ANKS4B: variants seen among roughly 807,000 people sequenced by gnomAD.
ANKS4B encodes the protein ankyrin repeat and sterile alpha motif domain containing 4B.
Under a neutral mutation model 20.2 loss-of-function variants are expected in ANKS4B, and 21 were observed. The ratio of observed to expected loss-of-function variants is 1.04; its 90% CI spans 0.74 to 1.50. The LOEUF (loss-of-function observed/expected upper bound fraction) is 1.50, where lower values mean the gene tolerates loss of function less well. ANKS4B is among the 40% of genes most tolerant of loss of function. The probability of loss-of-function intolerance (pLI) is 0.00; values close to 1 mark genes in which losing one functional copy is unlikely to be tolerated. For synonymous variants in ANKS4B, 179 were observed against 194.5 expected (o/e 0.92, Z 0.66); for missense variants, 473 against 494.6 (o/e 0.96, Z 0.41).
At chr16:21,236,342 G>A (rs560821058) in intron 1 of ANKS4B, among the ~76,000 whole-genome samples, 2 of 152,152 alleles carry the variant, frequency 1.3e-5, no homozygotes, top group African/African-American at 2.4e-5. Context: ...CCAACATTGC[G>A]GATTACAATT....
At chr16:21,245,710 C>G (rs1160407415) in intron 1 of ANKS4B, among the ~76,000 whole-genome samples, 1 of 152,120 alleles carries the variant, frequency 6.6e-6, no homozygotes, top group Non-Finnish European at 1.5e-5. Context: ...AGTGATCCAC[C>G]AGCCTCGGCC....
Position 21,250,329 on chromosome 16 carries a change from G to A in ANKS4B, c.763G>A (p.Glu255Lys). Residue 255 changes from glutamate to lysine, a missense_variant, in exon 2 of 2, where the codon GAG (glutamate) becomes AAG (lysine). Glu to Lys is a moderately conservative substitution (Grantham distance 56). Coordinates refer to ENST00000311620, the MANE Select transcript of ANKS4B (RefSeq NM_145865.3). ...CAAAGAGAAGCTCCAGTTGTCAGCA[G>A]AGGAGGACGGCAGTGTGCACCATGA... ...DFKEKLQLSA[E>K]EDGSVHHESI... The A allele has an allele frequency of 1.2e-6, 2 of 1,614,210 alleles. No homozygotes were observed. Among genetic ancestry groups the A allele is most frequent in the Non-Finnish European group, 8.5e-7 (1 of 1,180,038 alleles).
In ANKS4B at chr16:21,249,838, T is replaced by A. The variant is rs1567227506; in HGVS notation, c.272T>A (p.Ile91Asn). 6.2e-7 allele frequency: 1 copy of A among 1,614,186 alleles called. No homozygotes were observed. Among genetic ancestry groups the A allele is most frequent in the Non-Finnish European group, 8.5e-7 (1 of 1,180,036 alleles). Residue 91 changes from isoleucine to asparagine, a missense_variant, in exon 2 of 2, where the codon ATC becomes AAC. Coordinates refer to ENST00000311620, the MANE Select transcript of ANKS4B (RefSeq NM_145865.3). ...VSFLVNFGANIFALDNDLQTP... is the reference protein window; with the variant it reads ...VSFLVNFGANNFALDNDLQTP... Reference sequence around the variant, plus strand: ...TTCCTGGTCAACTTTGGTGCCAACATCTTTGCCCTGGATAATGACTTACAG... The same window carrying A: ...TTCCTGGTCAACTTTGGTGCCAACAACTTTGCCCTGGATAATGACTTACAG...
chr16:21,249,251 A>C (rs2093335772), intron 1 of ANKS4B, among the ~76,000 whole-genome samples: 1 of 152,220 alleles, frequency 6.6e-6, no homozygotes, highest in Admixed American at 6.5e-5. Flanking sequence ...TGGGACGCCA[A>C]GGCAAGCAGA....
intron 1 of ANKS4B, among the ~76,000 whole-genome samples, chr16:21,236,696 C>A (rs2093320639): frequency 6.6e-6 from 1 of 152,070 alleles, no homozygotes; most frequent in African/African-American, 2.4e-5. Context: ...CAGGTGTGAG[C>A]CACAGCACTC....
At chr16:21,245,970 C>G (rs1261951763) in intron 1 of ANKS4B, among the ~76,000 whole-genome samples, 3 of 152,160 alleles carry the variant, frequency 2.0e-5, no homozygotes, top group Non-Finnish European at 4.4e-5. Flanking sequence ...TCACATAACT[C>G]TATGAATAGG....
rs1166979736 is a variant in ANKS4B at position 21,250,439 on chromosome 16, G to C, written c.873G>C (p.Lys291Asn). 2 of 1,614,028 alleles carry C rather than the reference G, an allele frequency of 1.2e-6. No individual in the cohort carries two copies. Among genetic ancestry groups the C allele is most frequent in the Non-Finnish European group, 1.7e-6 (2 of 1,180,028 alleles). ...ISSPEDISDS[K>N]REFGFKLPSE... ...GTCCTGAAGACATCTCAGATAGCAA[G>C]AGAGAGTTTGGTTTTAAACTGCCCA... The change falls in exon 2 of 2, where the codon AAG becomes AAC. Residue 291 changes from lysine to asparagine, a missense_variant. Lys to Asn is a moderately conservative substitution (Grantham distance 94). Transcript: ENST00000311620.
Position 21,250,135 on chromosome 16 carries a change from C to T in ANKS4B, c.569C>T (p.Ala190Val), listed in dbSNP as rs1355529511. The T allele has an allele frequency of 6.2e-7, 1 of 1,614,188 alleles. No individual in the cohort carries two copies. Among genetic ancestry groups the T allele is most frequent in the Non-Finnish European group, 8.5e-7 (1 of 1,180,044 alleles). ...AGATCATCCCCTTCAAATGCTTCTG[C>T]TCCTGGCACATTCGGGTCACTATCT... ...FSRSSPSNAS[A>V]PGTFGSLSKG... The change falls in exon 2 of 2, where the codon GCT becomes GTT. Residue 190 changes from alanine (A) to valine (V), a missense_variant. By Grantham distance (64) the Ala-to-Val change is moderately conservative. Coordinates refer to ENST00000311620, the MANE Select transcript of ANKS4B (RefSeq NM_145865.3).
chr16:21,250,343 T>C lies in ANKS4B; in HGVS notation c.777T>C (p.Ser259=). 6.2e-7 allele frequency: 1 copy of C among 1,614,214 alleles called. No homozygotes were observed. Among genetic ancestry groups the C allele is most frequent in the East Asian group, 2.2e-5 (1 of 44,884 alleles). The part of the protein sequence containing the change: ...KLQLSAEEDG[S]VHHESILNRP... ...AGTTGTCAGCAGAGGAGGACGGCAG[T>C]GTGCACCATGAATCCATTCTCAATC... Residue 259 remains serine (S), a synonymous_variant, in exon 2 of 2, where the codon AGT becomes AGC. Transcript: ENST00000311620.
intron 1 of ANKS4B, among the ~76,000 whole-genome samples, chr16:21,246,824 G>C (rs1470150305): frequency 6.6e-6 from 1 of 152,202 alleles, no homozygotes; most frequent in Non-Finnish European, 1.5e-5. Context: ...GAGGGAGATT[G>C]TGATGGTTGA....
chr16:21,233,938 T>C (rs556053627), intron 1 of ANKS4B, 37 bp downstream of exon 1: 17 of 1,579,876 alleles, frequency 1.1e-5, no homozygotes, highest in African/African-American at 9.4e-5. Flanking sequence ...GGAAACAGTG[T>C]TCATGGTAGG....
Position 21,250,614 on chromosome 16 carries a change from G to C in ANKS4B, c.1048G>C (p.Val350Leu). 1.2e-6 allele frequency: 2 copies of C among 1,614,178 alleles called. No individual in the cohort carries two copies. The highest frequency in any genetic ancestry group is 1.7e-6 in the Non-Finnish European group (2 of 1,180,018). Reference sequence around the variant, plus strand: ...TGTGGTCGATGCCACGCCCCTGGAAGTGTTCTTGCTGTCTCAGCACCTGGA... The same window carrying C: ...TGTGGTCGATGCCACGCCCCTGGAACTGTTCTTGCTGTCTCAGCACCTGGA... ...EDVVDATPLEVFLLSQHLEEF... is the reference protein window; with the variant it reads ...EDVVDATPLELFLLSQHLEEF... Residue 350 changes from valine to leucine, a missense_variant, in exon 2 of 2, where the codon GTG becomes CTG. By Grantham distance (32) the Val-to-Leu change is conservative. Coordinates refer to ENST00000311620, the MANE Select transcript of ANKS4B (RefSeq NM_145865.3).
At chr16:21,249,619 A>G in intron 1 of ANKS4B, 112 bp from the exon 2 acceptor site, 1 of 1,208,806 alleles carries the variant, frequency 8.3e-7, no homozygotes, top group Non-Finnish European at 1.1e-6. Context: ...GTCAGGATGA[A>G]CATGTTTGTA....
chr16:21,234,005 C>A, intron 1 of ANKS4B, 104 bp downstream of exon 1: 2 of 1,124,334 alleles, frequency 1.8e-6, no homozygotes, highest in East Asian at 4.9e-5. Context: ...TATCCTCTTT[C>A]TAGATTGTCT....
At position 21,252,294 on chromosome 16, in the gene ANKS4B, G is replaced by A. The variant is rs2093340545; in HGVS notation, c.*1474G>A. Reference sequence around the variant, plus strand: ...GGTGGAAGGCACACAGAGAGGCCACGTGAGGACACAGTGAGAAGGTGGCCG... The same window carrying A: ...GGTGGAAGGCACACAGAGAGGCCACATGAGGACACAGTGAGAAGGTGGCCG... On this transcript the variant is annotated 3_prime_UTR_variant, in exon 2 of 2. Coordinates refer to ENST00000311620, the MANE Select transcript of ANKS4B (RefSeq NM_145865.3). 1 of 152,366 alleles carries A rather than the reference G, an allele frequency of 6.6e-6. No individual in the cohort carries two copies. The highest frequency in any genetic ancestry group is 6.5e-5 in the Admixed American group (1 of 15,284). 9.4% of individuals were successfully genotyped at this position (152,366 alleles called of 1,614,324 possible).
chr16:21,248,381 G>A (rs2093334924), intron 1 of ANKS4B, among the ~76,000 whole-genome samples: 1 of 149,790 alleles, frequency 6.7e-6, no homozygotes, highest in East Asian at 2.0e-4. Flanking sequence ...GTAGACAGTG[G>A]TGCAATCATA....
intron 1 of ANKS4B, among the ~76,000 whole-genome samples, chr16:21,234,852 T>C (rs1323780584): frequency 6.6e-6 from 1 of 152,096 alleles, no homozygotes; most frequent in Admixed American, 6.6e-5. Flanking sequence ...TGTGTGTGTG[T>C]GTGCATGTTT....
At chr16:21,239,465 C>T (rs1366606442) in intron 1 of ANKS4B, among the ~76,000 whole-genome samples, 1 of 152,140 alleles carries the variant, frequency 6.6e-6, no homozygotes, top group African/African-American at 2.4e-5. Flanking sequence ...CCTGTAATTC[C>T]AGCTCCTCAG....
Position 21,250,871 on chromosome 16 carries a change from C to T in ANKS4B, c.*51C>T. ...GGGTGATGCTGTGGCCCGCTGGCAG[C>T]ACTCCAGGCGGCACCCCCTCTTTAC... On this transcript the variant is annotated 3_prime_UTR_variant, in exon 2 of 2. Transcript: ENST00000311620. 6.5e-7 allele frequency: 1 copy of T among 1,534,034 alleles called. No homozygotes were observed. The highest frequency in any genetic ancestry group is 8.8e-7 in the Non-Finnish European group (1 of 1,138,132).
Sources: gnomAD v4.1 joint callset for allele counts (sites outside exome capture counted in the v4.1 genomes callset) on GRCh38, gnomAD v4.1.1 for gene constraint, MANE v1.5 for transcripts, NCBI Gene and HGNC (gene_info 2026-07-23, HGNC 2026-07-21) for gene names.